Variants in ITGA8 observed in about 807,000 individuals in gnomAD.
ITGA8 encodes integrin subunit alpha 8, also known as integrin alpha-8.
A neutral mutation model predicts 142.3 loss-of-function variants in ITGA8; 91 were observed. The observed-to-expected ratio is 0.64, with a 90% CI of 0.54 to 0.76. The LOEUF (loss-of-function observed/expected upper bound fraction) is 0.76. Ranked by LOEUF, ITGA8 falls within the 30% of genes least tolerant of loss-of-function variation. The pLI, the probability that ITGA8 is intolerant of heterozygous loss-of-function variation, is 0.00. For missense variants in ITGA8, 1,406 were observed against 1,327.7 expected (o/e 1.06, Z -0.92); for synonymous variants, 505 against 485.2 (o/e 1.04, Z -0.54).
chr10:15,533,589 A>T (rs180736599), intron 27 of ITGA8, among the ~76,000 whole-genome samples: 68 of 152,324 alleles, frequency 4.5e-4, no homozygotes, highest in Non-Finnish European at 9.1e-4. Flanking sequence ...CAAACCTCCA[A>T]TGAAGAAGTT....
Position 15,574,361 on chromosome 10 carries a change from T to G in ITGA8, c.2478+1128A>C, listed in dbSNP as rs1267242436. ...TGAAAAGTAAAATTATTTTTATCTA[T>G]GTACCATCTACCCATCTCATATATT... On this transcript the variant is annotated intron_variant, in intron 24 of 29. Transcript: ENST00000378076. Among the ~76,000 whole-genome samples the G allele has an allele frequency of 4.6e-5, 7 of 152,224 alleles. No individual in the cohort carries two copies. The East Asian group carries it at 1.3e-3, about 29-fold the overall frequency.
At chr10:15,610,322 T>C (rs977105688) in intron 15 of ITGA8, among the ~76,000 whole-genome samples, 1 of 152,178 alleles carries the variant, frequency 6.6e-6, no homozygotes, top group African/African-American at 2.4e-5. Flanking sequence ...TAAGCACACA[T>C]ACATCACAGG....
intron 28 of ITGA8, among the ~76,000 whole-genome samples, chr10:15,530,733 G>C (rs557725769): frequency 6.6e-6 from 1 of 152,174 alleles, no homozygotes; most frequent in East Asian, 1.9e-4. Context: ...TAACCATGCT[G>C]TTTAAAATGA....
At chr10:15,544,776 G>A (rs1238469540) in intron 27 of ITGA8, among the ~76,000 whole-genome samples, 1 of 152,156 alleles carries the variant, frequency 6.6e-6, no homozygotes, top group Non-Finnish European at 1.5e-5. Context: ...AGGGCATTGT[G>A]GAAATAACAG....
At position 15,519,154 on chromosome 10, in the gene ITGA8, C is replaced by T. The variant is rs1441203590; in HGVS notation, c.3105+136G>A. ...GCCAAAGCAAACAAGACACGATTTT[C>T]CCTTTATATCCTTCAGACTGTTCAA... On this transcript the variant is annotated intron_variant, in intron 29 of 29. Coordinates refer to ENST00000378076, the MANE Select transcript of ITGA8 (RefSeq NM_003638.3). The T allele has an allele frequency of 4.4e-6, 4 of 916,026 alleles. No individual in the cohort carries two copies. In the African/African-American group the frequency reaches 6.7e-5, roughly 15 times the overall value. The allele number at this position is 916,026 out of a possible 1,614,324, so 56.7% of individuals were successfully genotyped here. A position where few individuals can be genotyped will look rare whatever the true frequency, so the allele number is the denominator to read the frequency against.
chr10:15,621,429 C>T (rs1455636052), intron 13 of ITGA8, among the ~76,000 whole-genome samples: 2 of 152,108 alleles, frequency 1.3e-5, no homozygotes, highest in Non-Finnish European at 2.9e-5. Context: ...TGCATTACAC[C>T]TATGTTTTGT....
chr10:15,519,382 T>C lies in ITGA8; in HGVS notation c.3013A>G (p.Asn1005Asp), dbSNP rs144232547. 22 of 1,613,622 alleles carry C rather than the reference T, an allele frequency of 1.4e-5. No homozygotes were observed. The African/African-American group carries it at 2.7e-4, about 20-fold the overall frequency. Reference protein sequence around the residue: ...IKTSVIWATPNVSFSIPLWVI... With the variant: ...IKTSVIWATPDVSFSIPLWVI... The stretch of plus-strand genomic sequence containing the variant: ...CATAATGGGATTGAGAAGGAAACAT[T>C]CGGAGTTGCCCAAATAACTGATGTC... The change falls in exon 29 of 30, where the codon AAT becomes GAT. Residue 1005 changes from asparagine to aspartate, a missense_variant. Transcript: ENST00000378076.
chr10:15,592,027 A>T (rs550134293), intron 22 of ITGA8, among the ~76,000 whole-genome samples, 198 bp downstream of exon 22: 49 of 152,320 alleles, frequency 3.2e-4, no homozygotes, highest in South Asian at 1.7e-3. Flanking sequence ...TGTATAATTC[A>T]ATCTCTTTTT....
chr10:15,681,761 T>A (rs1362098758), intron 4 of ITGA8, among the ~76,000 whole-genome samples: 1 of 152,228 alleles, frequency 6.6e-6, no homozygotes, highest in Non-Finnish European at 1.5e-5. Context: ...ATTTGCTGTT[T>A]GTTGAACAAG....
chr10:15,609,050 C>T (rs1177143869), intron 15 of ITGA8, among the ~76,000 whole-genome samples: 2 of 152,078 alleles, frequency 1.3e-5, no homozygotes, highest in African/African-American at 4.8e-5. Flanking sequence ...CCATGAGAGA[C>T]ACTTTGGAGT....
At chr10:15,617,635 A>T (rs1833418752) in intron 13 of ITGA8, among the ~76,000 whole-genome samples, 1 of 151,796 alleles carries the variant, frequency 6.6e-6, no homozygotes, top group African/African-American at 2.4e-5. Flanking sequence ...TCCTGACCTC[A>T]TGATCCACCC....
At chr10:15,672,481 A>G in intron 7 of ITGA8, 143 bp downstream of exon 7, 1 of 1,004,330 alleles carries the variant, frequency 1.0e-6, no homozygotes, top group East Asian at 2.6e-5. Context: ...TTAAAAAGAA[A>G]AGAAAAATTG....
intron 25 of ITGA8, among the ~76,000 whole-genome samples, chr10:15,561,209 C>A (rs904923809): frequency 5.1e-5 from 6 of 116,960 alleles, no homozygotes; most frequent in Admixed American, 9.0e-5. Flanking sequence ...TATCTGTTGG[C>A]TATATATATA....
intron 13 of ITGA8, among the ~76,000 whole-genome samples, chr10:15,621,678 G>T (rs984692119): frequency 6.6e-6 from 1 of 152,128 alleles, no homozygotes; most frequent in South Asian, 2.1e-4. Flanking sequence ...CAGGCCAAAG[G>T]GGAAGATGAG....
intron 26 of ITGA8, among the ~76,000 whole-genome samples, chr10:15,551,146 T>C (rs1387837781): frequency 1.3e-5 from 2 of 152,032 alleles, no homozygotes; most frequent in Non-Finnish European, 2.9e-5. Flanking sequence ...CGGGCGTGGC[T>C]CTCAGACACC....
chr10:15,566,638 G>A (rs570397471), intron 25 of ITGA8, among the ~76,000 whole-genome samples: 33 of 151,288 alleles, frequency 2.2e-4, no homozygotes, highest in Non-Finnish European at 2.2e-4. Context: ...TGGTGAAACC[G>A]CATCTCTACA....
At chr10:15,694,659 TTATATC>T (rs1835014529) in intron 2 of ITGA8, among the ~76,000 whole-genome samples, 1 of 89,638 alleles carries the variant, frequency 1.1e-5, no homozygotes, top group African/African-American at 3.8e-5. Flanking sequence ...TTAATATATA[TTATATC>T]TATATTTGTC....
chr10:15,631,445 T>TCCTAGCAAACTAACACAGGAACAGAAAA (rs1833684006), intron 13 of ITGA8, among the ~76,000 whole-genome samples: 1 of 151,902 alleles, frequency 6.6e-6, no homozygotes, highest in African/African-American at 2.4e-5. Flanking sequence ...AAGTCATCAT[T>TCCTAGCAAACTAACACAGGAACAGAAAA]CCTAGCAAAC....
intron 8 of ITGA8, among the ~76,000 whole-genome samples, chr10:15,668,890 C>T (rs559730372): frequency 1.3e-5 from 2 of 152,230 alleles, no homozygotes; most frequent in African/African-American, 4.8e-5. Context: ...GAGAGATTAG[C>T]TGTTAGTCTG....
Sources: allele counts gnomAD v4.1 joint callset (sites outside exome capture counted in the v4.1 genomes callset), GRCh38; gene constraint gnomAD v4.1.1; transcripts MANE v1.5; gene names NCBI Gene and HGNC (gene_info 2026-07-23, HGNC 2026-07-21).